Variants in ADGRB1 observed in about 807,000 individuals in gnomAD.
ADGRB1 encodes the protein adhesion G protein-coupled receptor B1, also known as brain-specific angiogenesis inhibitor 1.
A neutral mutation model predicts 175.7 loss-of-function variants in ADGRB1; 36 were observed. The observed-to-expected ratio is 0.20, with a 90% CI of 0.16 to 0.27. The LOEUF is 0.27. Ranked by LOEUF, ADGRB1 falls within the 10% of genes least tolerant of loss-of-function variation. ADGRB1 has a pLI of 1.00. For synonymous variants in ADGRB1, 1,054 were observed against 979.4 expected (o/e 1.08, Z -1.42); for missense variants, 1,731 against 2,255.3 (o/e 0.77, Z 4.71).
chr8:142,516,044 C>T (rs1843393898), intron 18 of ADGRB1, among the ~76,000 whole-genome samples: 1 of 152,218 alleles, frequency 6.6e-6, no homozygotes, highest in African/African-American at 2.4e-5. Flanking sequence ...GACTCTTGTT[C>T]CAGGGAGGCA....
intron 17 of ADGRB1, among the ~76,000 whole-genome samples, chr8:142,501,657 G>A (rs1246734708): frequency 6.5e-5 from 9 of 139,222 alleles, no homozygotes; most frequent in South Asian, 2.4e-4. Context: ...TGATGATGGG[G>A]TGGTGGTAGT....
At chr8:142,525,969 G>T (rs1587414054) in intron 23 of ADGRB1, among the ~76,000 whole-genome samples, 1 of 152,170 alleles carries the variant, frequency 6.6e-6, no homozygotes, top group South Asian at 2.1e-4. Flanking sequence ...GCTTCCCGGG[G>T]GTGCTCCAGG....
rs1034287963 is a variant in ADGRB1, at chr8:142,464,604, C to T, written c.406C>T (p.Leu136=). ...LCDPSAPLAF[L]QASKQFLQMR... ...CGACCCCTCCGCACCCCTGGCCTTC[C>T]TGCAGGCCAGCAAGCAGTTCCTGCA... The change falls in exon 2 of 31, where the codon CTG becomes TTG. Residue 136 remains leucine (L), a synonymous_variant. Coordinates refer to ENST00000517894, the MANE Select transcript of ADGRB1 (RefSeq NM_001702.3). 1.8e-5 allele frequency: 28 copies of T among 1,526,186 alleles called. No individual in the cohort carries two copies. In the East Asian group the frequency reaches 7.1e-4, roughly 39 times the overall value. 94.5% of individuals were successfully genotyped at this position (1,526,186 alleles called of 1,614,324 possible). A position where few individuals can be genotyped will look rare whatever the true frequency, so the allele number is the denominator to read the frequency against.
chr8:142,467,850 T>C (rs1356425742), intron 2 of ADGRB1, among the ~76,000 whole-genome samples: 22 of 152,198 alleles, frequency 1.4e-4, no homozygotes, highest in Admixed American at 1.4e-3. Flanking sequence ...GAATGAGAAC[T>C]GGGGTGAAGT....
intron 17 of ADGRB1, among the ~76,000 whole-genome samples, chr8:142,503,888 G>A (rs1842739971): frequency 6.6e-6 from 1 of 152,184 alleles, no homozygotes; most frequent in Non-Finnish European, 1.5e-5. Flanking sequence ...CCAGGAGATT[G>A]GCATCTTGCA....
chr8:142,462,702 C>T (rs1019156886), intron 1 of ADGRB1, among the ~76,000 whole-genome samples: 16 of 152,238 alleles, frequency 1.1e-4, no homozygotes, highest in African/African-American at 3.1e-4. Context: ...GTCAGCAGAG[C>T]GGAGGCATCC....
intron 24 of ADGRB1, among the ~76,000 whole-genome samples, chr8:142,529,634 G>C (rs768228588): frequency 1.3e-5 from 2 of 149,394 alleles, no homozygotes; most frequent in Admixed American, 6.6e-5. Context: ...ATACGTGTGA[G>C]CATGCATCTG....
chr8:142,517,187 A>C (rs1843494933), intron 18 of ADGRB1, among the ~76,000 whole-genome samples: 1 of 152,146 alleles, frequency 6.6e-6, no homozygotes, highest in South Asian at 2.1e-4. Flanking sequence ...GGGCAGGGCC[A>C]GGGCCAGCCC....
rs1842087914 is a variant in ADGRB1 at position 142,493,738 on chromosome 8, T to G, written c.2675+2923T>G. Among the ~76,000 whole-genome samples the G allele has an allele frequency of 6.6e-6, 1 of 152,232 alleles. No homozygotes were observed. The highest frequency in any genetic ancestry group is 1.5e-5 in the Non-Finnish European group (1 of 68,036). ...GCGCAGTGATCGAGGCCTTCTGCTC[T>G]GGAACTGGGCAGCCTGGAGCCCTAG... On this transcript the variant is annotated intron_variant, in intron 17 of 30. Coordinates refer to ENST00000517894, the MANE Select transcript of ADGRB1 (RefSeq NM_001702.3). The surrounding 1 kb of genome is among the most constrained non-coding windows in gnomAD (Gnocchi z 5.0).
intron 17 of ADGRB1, among the ~76,000 whole-genome samples, chr8:142,500,307 T>TGCC (rs1842442395): frequency 3.4e-4 from 3 of 8,810 alleles, no homozygotes; most frequent in Admixed American, 2.0e-3. Flanking sequence ...CTCCTCCACC[T>TGCC]CCCCACGCGC....
chr8:142,464,158 C>G lies in ADGRB1; in HGVS notation c.-41C>G. On this transcript the variant is annotated 5_prime_UTR_variant, in exon 2 of 31. Coordinates refer to ENST00000517894, the MANE Select transcript of ADGRB1 (RefSeq NM_001702.3). ...CATGTCAAGACCTGGTCCGCGCCTG[C>G]CTGCCCAGCCCGCGGAACCCCGGCG... The G allele has an allele frequency of 1.6e-6, 2 of 1,247,142 alleles. No individual in the cohort carries two copies. The highest frequency in any genetic ancestry group is 2.0e-6 in the Non-Finnish European group (2 of 999,664). 77.3% of individuals were successfully genotyped at this position (1,247,142 alleles called of 1,614,324 possible).
chr8:142,472,182 C>T (rs1449588550), intron 2 of ADGRB1, among the ~76,000 whole-genome samples: 5 of 152,178 alleles, frequency 3.3e-5, no homozygotes, highest in African/African-American at 1.2e-4. Flanking sequence ...TGTGCTCCCC[C>T]GCACCCCCAT....
rs921225709 is a variant in ADGRB1, at chr8:142,479,731, G to C, written c.1765G>C (p.Val589Leu). The C allele has an allele frequency of 6.2e-7, 1 of 1,613,550 alleles. No individual in the cohort carries two copies. Among genetic ancestry groups the C allele is most frequent in the African/African-American group, 1.3e-5 (1 of 74,916 alleles). ...EICDEDNFGA[V>L]IWKETPAGEV... The stretch of plus-strand genomic sequence containing the variant: ...CTGTGATGAGGACAACTTTGGTGCT[G>C]TGATCTGGAAGGAGACCCCAGCGGG... The change falls in exon 9 of 31, where the codon GTG becomes CTG. Residue 589 changes from valine (V) to leucine (L), a missense_variant. Transcript: ENST00000517894.
Position 142,464,592 on chromosome 8 carries a change from C to T in ADGRB1, c.394C>T (p.Pro132Ser). 2 of 1,530,768 alleles carry T rather than the reference C, an allele frequency of 1.3e-6. No homozygotes were observed. The highest frequency in any genetic ancestry group is 1.2e-5 in the South Asian group (1 of 82,952). The allele number at this position is 1,530,768 out of a possible 1,614,324, so 94.8% of individuals were successfully genotyped here. ...EVLRLCDPSA[P>S]LAFLQASKQF... ...GCTGCGGCTCTGCGACCCCTCCGCACCCCTGGCCTTCCTGCAGGCCAGCAA... is the reference window on the plus strand; with the variant it reads ...GCTGCGGCTCTGCGACCCCTCCGCATCCCTGGCCTTCCTGCAGGCCAGCAA... Residue 132 changes from proline to serine, a missense_variant, in exon 2 of 31, where the codon CCC becomes TCC. By Grantham distance (74) the Pro-to-Ser change is moderately conservative. Around this residue, in one of 8 missense-constraint regions of ADGRB1, gnomAD observed 383 missense variants for 383.1 expected, o/e 1.00. Transcript: ENST00000517894.
At chr8:142,489,468 G>A (rs1456738207) in intron 16 of ADGRB1, 30 bp downstream of exon 16, 2 of 1,603,404 alleles carry the variant, frequency 1.2e-6, no homozygotes, top group Admixed American at 1.7e-5. Flanking sequence ...ACACTCTGAT[G>A]CCAGCAGAAA....
At chr8:142,463,914 A>C (rs1587254416) in intron 1 of ADGRB1, 66 bp from the exon 2 acceptor site, 2 of 297,206 alleles carry the variant, frequency 6.7e-6, no homozygotes, top group Non-Finnish European at 6.2e-6. Context: ...GAGAGAGCCC[A>C]CCCCCATGCC....
At chr8:142,512,174 A>G (rs2132048267) in intron 18 of ADGRB1, among the ~76,000 whole-genome samples, 1 of 152,308 alleles carries the variant, frequency 6.6e-6, no homozygotes, top group East Asian at 1.9e-4. Context: ...GCCCAGAGAG[A>G]GGGCCTTGCT....
Position 142,542,590 on chromosome 8 carries a change from C to T in ADGRB1, c.4356C>T (p.Ser1452=), listed in dbSNP as rs762072867. The change falls in exon 28 of 31, where the codon AGC becomes AGT. Residue 1452 remains serine (S), a synonymous_variant. Coordinates refer to ENST00000517894, the MANE Select transcript of ADGRB1 (RefSeq NM_001702.3). The surrounding 1 kb of genome is among the most constrained non-coding windows in gnomAD (Gnocchi z 6.3). ...PGEPAAHPGP[S]TGPSTKNENV... ...AGCCTGCCGCCCATCCGGGACCCAGCACGGGGCCCAGCACCAAGAACGAGA... is the reference window on the plus strand; with the variant it reads ...AGCCTGCCGCCCATCCGGGACCCAGTACGGGGCCCAGCACCAAGAACGAGA... The T allele has an allele frequency of 5.2e-6, 8 of 1,544,844 alleles. No individual in the cohort carries two copies. The highest frequency in any genetic ancestry group is 1.2e-5 in the South Asian group (1 of 83,940).
chr8:142,476,313 C>T (rs1024731929), intron 3 of ADGRB1, among the ~76,000 whole-genome samples: 1 of 152,142 alleles, frequency 6.6e-6, no homozygotes, highest in African/African-American at 2.4e-5. Flanking sequence ...GTGCCAGGCA[C>T]GGGAGAGCAG....
Sources: allele counts gnomAD v4.1 joint callset (sites outside exome capture counted in the v4.1 genomes callset), GRCh38; gene constraint gnomAD v4.1.1; regional missense constraint gnomAD v4.1.1; non-coding constraint Gnocchi (gnomAD v3.1); transcripts MANE v1.5; gene names NCBI Gene and HGNC (gene_info 2026-07-23, HGNC 2026-07-21).